DTNA: variants seen among roughly 807,000 people sequenced by gnomAD.
DTNA encodes dystrophin-related protein 3.
DTNA carries 43 observed loss-of-function variants against 100.7 expected under a neutral mutation model. The ratio of observed to expected loss-of-function variants is 0.43; its 90% CI spans 0.33 to 0.55. DTNA has a LOEUF of 0.55. DTNA is among the 20% of genes least tolerant of loss of function. The pLI, the probability that DTNA is intolerant of heterozygous loss-of-function variation, is 0.04. For missense variants in DTNA, 798 were observed against 953.9 expected, an observed-to-expected ratio of 0.84 and a Z score of 2.15; for synonymous variants, 349 against 347.9, an observed-to-expected ratio of 1.00 and a Z score of -0.04.
chr18:34,731,075 G>A (rs1385079113), intron 1 of DTNA, among the ~76,000 whole-genome samples: 1 of 152,182 alleles, frequency 6.6e-6, no homozygotes, highest in Non-Finnish European at 1.5e-5. Flanking sequence ...GCATCAAGAT[G>A]CCCAGAACAA....
At chr18:34,585,918 T>G (rs1327056622) in intron 1 of DTNA, among the ~76,000 whole-genome samples, 1 of 152,172 alleles carries the variant, frequency 6.6e-6, no homozygotes, top group Non-Finnish European at 1.5e-5. Flanking sequence ...GCTAATTGTT[T>G]GTAAAGAACA....
intron 1 of DTNA, among the ~76,000 whole-genome samples, chr18:34,697,119 T>TA (rs1354970085): frequency 6.7e-6 from 1 of 149,870 alleles, no homozygotes; most frequent in African/African-American, 2.6e-5. Flanking sequence ...TTCTAAAAAG[T>TA]ACAAAGGCTA....
chr18:34,662,103 T>G (rs2075280639), intron 1 of DTNA, among the ~76,000 whole-genome samples: 1 of 151,898 alleles, frequency 6.6e-6, no homozygotes, highest in Admixed American at 6.6e-5. Context: ...ATTATCAAGC[T>G]TGCATCATTT....
chr18:34,884,673 T>A (rs2096905836), intron 21 of DTNA, 55 bp from the exon 22 acceptor site: 1 of 1,593,712 alleles, frequency 6.3e-7, no homozygotes, highest in Non-Finnish European at 8.6e-7. Flanking sequence ...CCAGCTTGAC[T>A]GCATCACAGA....
At chr18:34,861,699 A>C (rs565649370) in intron 16 of DTNA, among the ~76,000 whole-genome samples, 1 of 152,124 alleles carries the variant, frequency 6.6e-6, no homozygotes, top group African/African-American at 2.4e-5. Context: ...TACATTTGGA[A>C]AACGCTGGTG....
At chr18:34,527,923 T>C (rs1168178303) in intron 1 of DTNA, among the ~76,000 whole-genome samples, 14 of 152,106 alleles carry the variant, frequency 9.2e-5, no homozygotes, top group Non-Finnish European at 2.9e-5. Flanking sequence ...TACTTACACC[T>C]CTATTGTCCA....
chr18:34,767,801 G>A (rs1454251233), intron 3 of DTNA: 1 of 152,216 alleles, frequency 6.6e-6, no homozygotes, highest in Admixed American at 6.5e-5. Flanking sequence ...CTGCCTCACA[G>A]GGGGTTAAGT....
intron 11 of DTNA, among the ~76,000 whole-genome samples, chr18:34,836,069 A>G (rs2096135101): frequency 6.6e-6 from 1 of 152,168 alleles, no homozygotes; most frequent in Admixed American, 6.5e-5. Flanking sequence ...AATTGGGGGG[A>G]TATTGGGCAG....
chr18:34,862,124 C>CAA (rs1002538086), intron 16 of DTNA, among the ~76,000 whole-genome samples: 73 of 56,228 alleles, frequency 1.3e-3, no homozygotes, highest in African/African-American at 2.4e-3. Flanking sequence ...CAGACAAGGT[C>CAA]AAAAAAAAAA....
At chr18:34,746,204 T>C (rs1299478809) in intron 1 of DTNA, among the ~76,000 whole-genome samples, 1 of 152,084 alleles carries the variant, frequency 6.6e-6, no homozygotes, top group African/African-American at 2.4e-5. Flanking sequence ...ACTTTTTAAT[T>C]ATTTGGGGTT....
At chr18:34,734,318 C>T (rs1289164155) in intron 1 of DTNA, among the ~76,000 whole-genome samples, 1 of 152,084 alleles carries the variant, frequency 6.6e-6, no homozygotes, top group Admixed American at 6.5e-5. Flanking sequence ...GTTGACTCTA[C>T]TGGGGATGGG....
chr18:34,496,373 A>G (rs1443236694), intron 1 of DTNA, among the ~76,000 whole-genome samples: 3 of 152,242 alleles, frequency 2.0e-5, no homozygotes, highest in Non-Finnish European at 2.9e-5. Context: ...GTCCATTTAT[A>G]TATAGTGTTG....
intron 1 of DTNA, among the ~76,000 whole-genome samples, chr18:34,651,375 T>G (rs1484741801): frequency 2.4e-5 from 3 of 124,874 alleles, no homozygotes; most frequent in African/African-American, 3.6e-5. Context: ...TAAATGCTAA[T>G]AGTCATTACT....
chr18:34,813,807 A>AAC (rs2095536618), intron 6 of DTNA, among the ~76,000 whole-genome samples: 1 of 146,320 alleles, frequency 6.8e-6, no homozygotes, highest in African/African-American at 2.6e-5. Context: ...GTGCCACTGC[A>AAC]CTCCAGCCTG....
chr18:34,559,738 GCCAGTTT>G lies in DTNA; in HGVS notation c.-2+66229_-2+66235del, dbSNP rs1431647931. ...CCTCCTGAAATCAGAACTAAGGAAAGCCAGTTTCCAGAGGTCTTTAGTAAACACAGTC... is the reference window on the plus strand; with the variant it reads ...CCTCCTGAAATCAGAACTAAGGAAAGCCAGAGGTCTTTAGTAAACACAGTC... On this transcript the variant is annotated intron_variant, in intron 1 of 19. Coordinates refer to the DTNA transcript ENST00000283365. Among the ~76,000 whole-genome samples the G allele has an allele frequency of 2.6e-5, 4 of 152,296 alleles. No homozygotes were observed. The East Asian group carries it at 7.7e-4, about 29-fold the overall frequency.
chr18:34,788,096 A>T (rs1225563154), intron 3 of DTNA, among the ~76,000 whole-genome samples: 1 of 152,168 alleles, frequency 6.6e-6, no homozygotes, highest in African/African-American at 2.4e-5. Context: ...TTAATGGACG[A>T]CTGGTTTGAT....
chr18:34,761,126 T>TCA (rs6146260), intron 2 of DTNA, among the ~76,000 whole-genome samples: 292 of 149,290 alleles, frequency 2.0e-3, no homozygotes, highest in African/African-American at 5.7e-3. Context: ...CCTCCATCCT[T>TCA]CACACACACA....
chr18:34,504,401 T>G (rs1189681318), intron 1 of DTNA, among the ~76,000 whole-genome samples: 1 of 152,230 alleles, frequency 6.6e-6, no homozygotes, highest in Non-Finnish European at 1.5e-5. Context: ...GAAGGTCTGT[T>G]GCATTTATTC....
chr18:34,854,229 G>T (rs1444098782), intron 15 of DTNA, among the ~76,000 whole-genome samples: 1 of 152,148 alleles, frequency 6.6e-6, no homozygotes, highest in Non-Finnish European at 1.5e-5. Flanking sequence ...GCAAGAAAAA[G>T]AAGCAAAATA....
Sources: allele counts gnomAD v4.1 joint callset (sites outside exome capture counted in the v4.1 genomes callset), GRCh38; gene constraint gnomAD v4.1.1; transcripts MANE v1.5; gene names NCBI Gene and HGNC (gene_info 2026-07-23, HGNC 2026-07-21).